The following CTIF variants were observed in gnomAD, a reference collection of about 807,000 sequenced individuals.
The protein encoded by CTIF is CBP80/20-dependent translation initiation factor.
A neutral mutation model predicts 66.0 loss-of-function variants in CTIF; 21 were observed. The ratio of observed to expected loss-of-function variants is 0.32; its 90% CI spans 0.23 to 0.46. The LOEUF (loss-of-function observed/expected upper bound fraction) is 0.46. Ranked by LOEUF, CTIF falls within the 20% of genes least tolerant of loss-of-function variation. CTIF has a pLI of 1.00. For missense variants in CTIF, 739 were observed against 812.7 expected (o/e 0.91, Z 1.10); for synonymous variants, 345 against 326.4 (o/e 1.06, Z -0.62).
At chr18:48,735,969 C>T (rs941902988) in intron 7 of CTIF, among the ~76,000 whole-genome samples, 2 of 152,044 alleles carry the variant, frequency 1.3e-5, no homozygotes, top group African/African-American at 4.8e-5. Context: ...AGGGCACACC[C>T]GGGTGGTCTG....
intron 9 of CTIF, among the ~76,000 whole-genome samples, chr18:48,816,021 A>G (rs924471211): frequency 1.3e-5 from 2 of 152,180 alleles, no homozygotes; most frequent in African/African-American, 4.8e-5. Context: ...GGCTGAACAA[A>G]CAACCATAAA....
At chr18:48,725,369 AT>A (rs1281116494) in intron 7 of CTIF, among the ~76,000 whole-genome samples, 4 of 152,114 alleles carry the variant, frequency 2.6e-5, no homozygotes, top group African/African-American at 9.7e-5. Flanking sequence ...ACAAAGGCCA[AT>A]TCCCTCCCAA....
At chr18:48,588,908 A>T (rs879558736) in intron 1 of CTIF, among the ~76,000 whole-genome samples, 10,320 of 152,166 alleles carry the variant, frequency 0.068, 396 homozygotes, top group African/African-American at 0.1. Flanking sequence ...TCAGCCACAC[A>T]GTGGCTGAGG....
chr18:48,811,747 T>G (rs1485228294), intron 9 of CTIF, among the ~76,000 whole-genome samples: 2 of 152,210 alleles, frequency 1.3e-5, no homozygotes, highest in Non-Finnish European at 2.9e-5. Flanking sequence ...TTTCTTTCTG[T>G]TTTTAAGGCT....
At chr18:48,827,068 T>G (rs1002547173) in intron 10 of CTIF, among the ~76,000 whole-genome samples, 1 of 152,070 alleles carries the variant, frequency 6.6e-6, no homozygotes, top group African/African-American at 2.4e-5. Flanking sequence ...ATGGCCCATC[T>G]GGGTGGTAAA....
At chr18:48,817,111 G>A in intron 9 of CTIF, 110 bp from the exon 10 acceptor site, 3 of 1,094,126 alleles carry the variant, frequency 2.7e-6, no homozygotes, top group Non-Finnish European at 3.9e-6. Flanking sequence ...CATGGGGTTT[G>A]CCTGCTGCCC....
At chr18:48,548,428 G>A (rs570009487) in intron 1 of CTIF, among the ~76,000 whole-genome samples, 10 of 152,328 alleles carry the variant, frequency 6.6e-5, no homozygotes, top group African/African-American at 1.9e-4. Flanking sequence ...TACAGCATGC[G>A]GTTTATCTGT....
chr18:48,769,524 C>T (rs1909901181), intron 9 of CTIF, among the ~76,000 whole-genome samples: 1 of 152,254 alleles, frequency 6.6e-6, no homozygotes, highest in South Asian at 2.1e-4. Flanking sequence ...TTGGCACACA[C>T]ATTTCCCTGA....
chr18:48,670,510 T>G, intron 5 of CTIF, 159 bp from the exon 6 acceptor site: 3 of 608,336 alleles, frequency 4.9e-6, no homozygotes, highest in South Asian at 1.9e-5. Flanking sequence ...ACACACAGCT[T>G]CTCTAGGGCT....
At chr18:48,567,769 G>A (rs574916336) in intron 1 of CTIF, 3 of 152,446 alleles carry the variant, frequency 2.0e-5, no homozygotes, top group African/African-American at 7.2e-5. Context: ...GCAATGAGGG[G>A]CTAGAGGTTA....
chr18:48,815,139 A>G (rs2068335869), intron 9 of CTIF, among the ~76,000 whole-genome samples: 1 of 152,226 alleles, frequency 6.6e-6, no homozygotes, highest in South Asian at 2.1e-4. Context: ...TAACTGTGAG[A>G]TGATGGATAT....
At chr18:48,774,947 A>T (rs1293550574) in intron 9 of CTIF, among the ~76,000 whole-genome samples, 1 of 146,154 alleles carries the variant, frequency 6.8e-6, no homozygotes, top group East Asian at 2.0e-4. Context: ...GGCAACCGTC[A>T]TTGCATTATT....
intron 7 of CTIF, among the ~76,000 whole-genome samples, chr18:48,731,742 G>T (rs910278953): frequency 1.3e-5 from 2 of 152,120 alleles, no homozygotes; most frequent in African/African-American, 4.8e-5. Context: ...CTTCATTCCC[G>T]CTTATTATAA....
At position 48,859,720 on chromosome 18, in the gene CTIF, C is replaced by G. The variant is rs755910944; in HGVS notation, c.*161C>G. On this transcript the variant is annotated 3_prime_UTR_variant, in exon 12 of 12. Transcript: ENST00000256413. ...GTCTGGAGCCAGACGGGGAAGGGAGCAAATCCCTGAGAGGAGTGCCCCCGC... is the reference window on the plus strand; with the variant it reads ...GTCTGGAGCCAGACGGGGAAGGGAGGAAATCCCTGAGAGGAGTGCCCCCGC... 3 of 719,720 alleles carry G rather than the reference C, an allele frequency of 4.2e-6. No homozygotes were observed. In the South Asian group the frequency reaches 4.6e-5, roughly 11 times the overall value. The allele number at this position is 719,720 out of a possible 1,614,324, so 44.6% of individuals were successfully genotyped here. A position where few individuals can be genotyped will look rare whatever the true frequency, so the allele number is the denominator to read the frequency against.
intron 6 of CTIF, 63 bp downstream of exon 6, chr18:48,670,807 T>G: frequency 7.2e-7 from 1 of 1,387,474 alleles, no homozygotes; most frequent in Non-Finnish European, 1.0e-6. Context: ...ATCCTCTTCC[T>G]GGACAGGACC....
At chr18:48,722,390 A>G (rs1464537268) in intron 7 of CTIF, among the ~76,000 whole-genome samples, 2 of 151,300 alleles carry the variant, frequency 1.3e-5, no homozygotes, top group Non-Finnish European at 2.9e-5. Flanking sequence ...TAAATTTTTT[A>G]TTTTTTATTT....
At chr18:48,619,785 A>G in intron 2 of CTIF, 40 bp downstream of exon 2, 1 of 1,471,286 alleles carries the variant, frequency 6.8e-7, no homozygotes. Flanking sequence ...TGGGAAATTC[A>G]GAGGGGGTGA....
intron 10 of CTIF, among the ~76,000 whole-genome samples, chr18:48,856,371 A>T (rs1000854065): frequency 6.6e-6 from 1 of 152,254 alleles, no homozygotes; most frequent in Admixed American, 6.5e-5. Flanking sequence ...AAAGCTGAAC[A>T]TAGAGTTACC....
chr18:48,669,815 A>ATATATATG (rs2091497950), intron 5 of CTIF, among the ~76,000 whole-genome samples: 1 of 113,300 alleles, frequency 8.8e-6, no homozygotes. Flanking sequence ...ATATATATAT[A>ATATATATG]TATATATATA....
Sources: allele counts gnomAD v4.1 joint callset (sites outside exome capture counted in the v4.1 genomes callset), GRCh38; gene constraint gnomAD v4.1.1; transcripts MANE v1.5; gene names NCBI Gene and HGNC (gene_info 2026-07-23, HGNC 2026-07-21).